Variants in FTO observed in about 807,000 individuals in gnomAD.
FTO encodes alpha-ketoglutarate-dependent dioxygenase FTO.
Under a neutral mutation model 63.9 loss-of-function variants are expected in FTO, and 47 were observed. The observed-to-expected ratio is 0.74, with a 90% CI of 0.58 to 0.94. FTO has a LOEUF of 0.94. Ranked by LOEUF, FTO falls within the 40% of genes least tolerant of loss-of-function variation. FTO has a pLI of 0.00. For synonymous variants in FTO, 207 were observed against 224.4 expected, an observed-to-expected ratio of 0.92 and a Z score of 0.69; for missense variants, 562 against 618.1, an observed-to-expected ratio of 0.91 and a Z score of 0.96.
rs1365384134 is a variant in FTO at position 54,044,267 on chromosome 16, A to G, written c.1365-67495A>G. Among the ~76,000 whole-genome samples the G allele has an allele frequency of 1.1e-4, 5 of 45,706 alleles. No homozygotes were observed. In the East Asian group the frequency reaches 4.4e-3, roughly 40 times the overall value. The allele number at this position is 45,706 out of a possible 152,430, so 30.0% of individuals were successfully genotyped here. ...AAAATAAAAGGATGGAGGAAGATCTACCAAGCCAATGGAAAACAAAAAAAG... is the reference window on the plus strand; with the variant it reads ...AAAATAAAAGGATGGAGGAAGATCTGCCAAGCCAATGGAAAACAAAAAAAG... On this transcript the variant is annotated intron_variant, in intron 8 of 8. Transcript: ENST00000471389.
At chr16:53,973,862 G>A (rs1172332982) in intron 8 of FTO, among the ~76,000 whole-genome samples, 2 of 152,128 alleles carry the variant, frequency 1.3e-5, no homozygotes, top group East Asian at 3.8e-4. Context: ...CCACTTTACC[G>A]TATGTAAAAT....
intron 7 of FTO, among the ~76,000 whole-genome samples, chr16:53,931,944 T>G (rs1226854048): frequency 3.3e-5 from 5 of 151,700 alleles, no homozygotes; most frequent in Non-Finnish European, 7.4e-5. Flanking sequence ...TGAAAATTCA[T>G]GAATCTAGCA....
At chr16:54,089,464 C>T (rs1303187752) in intron 8 of FTO, among the ~76,000 whole-genome samples, 2 of 152,070 alleles carry the variant, frequency 1.3e-5, no homozygotes, top group African/African-American at 2.4e-5. Flanking sequence ...CTATACTGAG[C>T]ACTCATATCT....
chr16:53,816,993 G>A (rs1368715588), intron 2 of FTO, among the ~76,000 whole-genome samples: 3 of 152,090 alleles, frequency 2.0e-5, no homozygotes, highest in South Asian at 2.1e-4. Flanking sequence ...TGCTCCCACA[G>A]CAGTATACTC....
rs1179753097 is a variant in FTO, at chr16:54,118,765, GGA to G, written c.*6856_*6857del. On this transcript the variant is annotated 3_prime_UTR_variant, in exon 9 of 9. Coordinates refer to ENST00000471389, the MANE Select transcript of FTO (RefSeq NM_001080432.3). ...CTTCCCTTCCCAGCCTCCGAGAGAA[GGA>G]GAGAGGGTCCACAAGCCAGATCCAT... is the stretch of plus-strand genomic sequence containing the variant. 2.6e-5 allele frequency: 4 copies of G among 152,156 alleles called. No individual in the cohort carries two copies. The East Asian group carries it at 7.7e-4, about 29-fold the overall frequency. The allele number at this position is 152,156 out of a possible 1,614,324, so 9.4% of individuals were successfully genotyped here. A position where few individuals can be genotyped will look rare whatever the true frequency, so the allele number is the denominator to read the frequency against.
At chr16:53,825,817 A>G (rs1336186579) in intron 2 of FTO, 47 bp from the exon 3 acceptor site, 1 of 1,599,866 alleles carries the variant, frequency 6.3e-7, no homozygotes, top group Non-Finnish European at 8.5e-7. Context: ...AAATAATACA[A>G]TTGTAGCTAT....
chr16:53,814,923 G>A (rs150556081), intron 2 of FTO: 6 of 152,214 alleles, frequency 3.9e-5, no homozygotes, highest in African/African-American at 1.4e-4. Context: ...CTTATTTCTT[G>A]TGGGGCAGGT....
chr16:54,035,723 G>T (rs1271027459), intron 8 of FTO, among the ~76,000 whole-genome samples: 1 of 152,172 alleles, frequency 6.6e-6, no homozygotes, highest in Non-Finnish European at 1.5e-5. Context: ...CCTTGGGAAA[G>T]TTTCGATACT....
chr16:54,002,178 T>A (rs1300698685), intron 8 of FTO, among the ~76,000 whole-genome samples: 1 of 152,210 alleles, frequency 6.6e-6, no homozygotes, highest in African/African-American at 2.4e-5. Context: ...CTCCTTATTC[T>A]TATTTTCCAC....
chr16:54,002,697 C>A (rs1448313943), intron 8 of FTO, among the ~76,000 whole-genome samples: 4 of 152,110 alleles, frequency 2.6e-5, no homozygotes, highest in Non-Finnish European at 5.9e-5. Context: ...TTTAAAGCAG[C>A]AATACTTAAA....
chr16:53,715,018 A>G (rs1184931542), intron 1 of FTO, among the ~76,000 whole-genome samples: 2 of 152,176 alleles, frequency 1.3e-5, no homozygotes, highest in East Asian at 1.9e-4. Flanking sequence ...CCTCATATTG[A>G]TCAGACCATC....
chr16:53,819,019 C>T (rs892790320), intron 2 of FTO, among the ~76,000 whole-genome samples: 2 of 152,024 alleles, frequency 1.3e-5, no homozygotes, highest in East Asian at 3.9e-4. Flanking sequence ...CCTTAAGCAA[C>T]ATTGTAATAA....
chr16:53,804,942 G>GAT (rs1277719645), intron 1 of FTO, among the ~76,000 whole-genome samples: 2 of 151,998 alleles, frequency 1.3e-5, no homozygotes, highest in African/African-American at 4.8e-5. Context: ...TGTTAGTTTA[G>GAT]ATATGTCTTC....
chr16:53,905,570 A>C (rs146343979), intron 7 of FTO, among the ~76,000 whole-genome samples: 1 of 152,162 alleles, frequency 6.6e-6, no homozygotes, highest in African/African-American at 2.4e-5. Flanking sequence ...AGGTTTGTGC[A>C]TATGTATAAT....
chr16:53,827,662 T>G (rs781139875), intron 3 of FTO, among the ~76,000 whole-genome samples: 1 of 152,228 alleles, frequency 6.6e-6, no homozygotes, highest in African/African-American at 2.4e-5. Context: ...TTATCTTATG[T>G]CTTCAGTCTG....
chr16:53,962,069 A>G (rs1455843503), intron 8 of FTO, among the ~76,000 whole-genome samples: 2 of 152,198 alleles, frequency 1.3e-5, no homozygotes, highest in Non-Finnish European at 2.9e-5. Flanking sequence ...CTTTTACCAG[A>G]TCTCTTTCCA....
At chr16:53,785,870 G>A (rs905109923) in intron 1 of FTO, among the ~76,000 whole-genome samples, 32 of 148,444 alleles carry the variant, frequency 2.2e-4, no homozygotes, top group African/African-American at 7.2e-4. Flanking sequence ...AGATTCCGCC[G>A]CTGCACTCCA....
chr16:54,040,662 G>C (rs1030328308), intron 8 of FTO: 19 of 152,242 alleles, frequency 1.2e-4, no homozygotes, highest in African/African-American at 4.6e-4. Flanking sequence ...AAGACATGGA[G>C]TTAGCGTTAC....
intron 1 of FTO, among the ~76,000 whole-genome samples, chr16:53,730,155 G>T (rs2076240197): frequency 1.3e-5 from 2 of 152,084 alleles, no homozygotes; most frequent in South Asian, 4.2e-4. Flanking sequence ...TTGATAGAGA[G>T]ACTTCTTTCC....
Sources: allele counts gnomAD v4.1 joint callset (sites outside exome capture counted in the v4.1 genomes callset), GRCh38; gene constraint gnomAD v4.1.1; transcripts MANE v1.5; gene names NCBI Gene and HGNC (gene_info 2026-07-23, HGNC 2026-07-21).